The following CSMD1 variants were observed in gnomAD, a reference collection of about 807,000 sequenced individuals.
CSMD1 encodes CUB and sushi domain-containing protein 1.
A neutral mutation model predicts 417.5 loss-of-function variants in CSMD1; 213 were observed. The observed-to-expected ratio is 0.51, with a 90% CI of 0.46 to 0.57. The LOEUF is 0.57. CSMD1 is among the 20% of genes least tolerant of loss of function. CSMD1 has a pLI of 0.00. For synonymous variants in CSMD1, 2,862 were observed against 1,736.8 expected (o/e 1.65, Z -16.11); for missense variants, 6,923 against 4,529.7 (o/e 1.53, Z -15.17).
At chr8:4,906,520 T>A (rs1052064131) in intron 1 of CSMD1, among the ~76,000 whole-genome samples, 3 of 152,092 alleles carry the variant, frequency 2.0e-5, no homozygotes, top group African/African-American at 7.2e-5. Context: ...TCAGTTTTTA[T>A]TCTAAATATT....
intron 6 of CSMD1, among the ~76,000 whole-genome samples, chr8:3,748,547 G>T (rs1199596967): frequency 6.6e-6 from 1 of 152,130 alleles, no homozygotes; most frequent in Non-Finnish European, 1.5e-5. Context: ...CTAGATAATG[G>T]TTGTTATTAT....
chr8:3,478,947 T>G (rs1349220122), intron 11 of CSMD1, among the ~76,000 whole-genome samples: 1 of 151,686 alleles, frequency 6.6e-6, no homozygotes, highest in Non-Finnish European at 1.5e-5. Flanking sequence ...GCGGAATAGG[T>G]GACGGGGCAC....
At chr8:4,946,203 C>T (rs1470939791) in intron 1 of CSMD1, among the ~76,000 whole-genome samples, 1 of 152,170 alleles carries the variant, frequency 6.6e-6, no homozygotes, top group Non-Finnish European at 1.5e-5. Flanking sequence ...ACTCAACATA[C>T]TTAATTTATG....
At chr8:3,764,575 G>A (rs1798168991) in intron 5 of CSMD1, among the ~76,000 whole-genome samples, 1 of 151,922 alleles carries the variant, frequency 6.6e-6, no homozygotes, top group African/African-American at 2.4e-5. Context: ...CTGCAAGAGA[G>A]GATTTAAACT....
chr8:4,795,252 C>CTTTTTCTTTTTTT (rs1797912979), intron 1 of CSMD1, among the ~76,000 whole-genome samples: 1 of 46,226 alleles, frequency 2.2e-5, no homozygotes, highest in African/African-American at 7.2e-5. Flanking sequence ...GGTGTCATAG[C>CTTTTTCTTTTTTT]TTTTTTTTTT....
At chr8:3,050,902 A>G (rs1481689374) in intron 50 of CSMD1, among the ~76,000 whole-genome samples, 2 of 152,230 alleles carry the variant, frequency 1.3e-5, no homozygotes, top group East Asian at 3.8e-4. Flanking sequence ...TCCTTCTGCT[A>G]GTATCACTGG....
intron 21 of CSMD1, among the ~76,000 whole-genome samples, chr8:3,355,898 G>C (rs751108766): frequency 6.6e-6 from 1 of 151,962 alleles, no homozygotes; most frequent in Non-Finnish European, 1.5e-5. Flanking sequence ...AGAAGAGAGG[G>C]TTTGAGCATT....
chr8:4,934,094 G>A (rs1051126456), intron 1 of CSMD1, among the ~76,000 whole-genome samples: 4 of 152,034 alleles, frequency 2.6e-5, no homozygotes, highest in Non-Finnish European at 2.9e-5. Context: ...ACTTTGAGGC[G>A]GCAGCCGTGA....
At chr8:3,139,288 T>C (rs1034306327) in intron 41 of CSMD1, among the ~76,000 whole-genome samples, 7 of 152,120 alleles carry the variant, frequency 4.6e-5, no homozygotes, top group Non-Finnish European at 7.4e-5. Flanking sequence ...AGGATGGAAA[T>C]ATAGGAGGAT....
At chr8:4,487,187 T>C (rs1801459069) in intron 2 of CSMD1, among the ~76,000 whole-genome samples, 1 of 152,194 alleles carries the variant, frequency 6.6e-6, no homozygotes, top group Non-Finnish European at 1.5e-5. Context: ...TTATTATTAT[T>C]ATACTTTAAG....
chr8:3,562,173 G>A (rs1486203638), intron 10 of CSMD1, among the ~76,000 whole-genome samples: 1 of 152,082 alleles, frequency 6.6e-6, no homozygotes, highest in Non-Finnish European at 1.5e-5. Flanking sequence ...TACAGTAGTA[G>A]GTGGGGAAAG....
chr8:4,188,473 G>T (rs1421072417), intron 3 of CSMD1, among the ~76,000 whole-genome samples: 1 of 152,128 alleles, frequency 6.6e-6, no homozygotes, highest in Admixed American at 6.6e-5. Context: ...TTGGAAAAGG[G>T]TCCATCAACC....
chr8:3,922,834 G>A (rs1052710688), intron 5 of CSMD1, among the ~76,000 whole-genome samples: 11 of 151,988 alleles, frequency 7.2e-5, no homozygotes, highest in Non-Finnish European at 1.5e-4. Flanking sequence ...TATTCATGGT[G>A]TACAACATGG....
chr8:3,062,954 T>G (rs901596417), intron 49 of CSMD1, among the ~76,000 whole-genome samples: 1 of 152,226 alleles, frequency 6.6e-6, no homozygotes, highest in Non-Finnish European at 1.5e-5. Context: ...AAAGATTTAT[T>G]CAATAAAAAG....
At position 4,667,362 on chromosome 8, in the gene CSMD1, G is replaced by A. The variant is rs561149451; in HGVS notation, c.86-29804C>T. On this transcript the variant is annotated intron_variant, in intron 1 of 69. Transcript: ENST00000635120. ...ATTCTCTGCTTTTCTGCAAACATTC[G>A]AGAGTGAATTTGTCCTTTTCTTCAA... Among the ~76,000 whole-genome samples the A allele has an allele frequency of 2.6e-5, 4 of 151,690 alleles. No individual in the cohort carries two copies. The South Asian group carries it at 8.3e-4, about 31-fold the overall frequency.
At chr8:4,206,245 G>C (rs750133744) in intron 3 of CSMD1, among the ~76,000 whole-genome samples, 1 of 152,018 alleles carries the variant, frequency 6.6e-6, no homozygotes, top group Non-Finnish European at 1.5e-5. Context: ...TGCACAAGGG[G>C]CAGGTTTGTT....
chr8:3,243,564 G>C (rs1191709225), intron 26 of CSMD1, among the ~76,000 whole-genome samples: 1 of 152,016 alleles, frequency 6.6e-6, no homozygotes, highest in East Asian at 1.9e-4. Context: ...AATTGCACAA[G>C]ATAATGTCAT....
At chr8:4,419,763 C>A (rs1003663582) in intron 3 of CSMD1, among the ~76,000 whole-genome samples, 190 bp downstream of exon 3, 2 of 152,158 alleles carry the variant, frequency 1.3e-5, no homozygotes, top group Non-Finnish European at 1.5e-5. Flanking sequence ...ATTGTGAACA[C>A]GTTTTGGGCT....
intron 5 of CSMD1, among the ~76,000 whole-genome samples, chr8:3,790,648 G>C (rs1378919427): frequency 1.3e-5 from 2 of 152,138 alleles, no homozygotes; most frequent in African/African-American, 4.8e-5. Context: ...AGAGATAATA[G>C]CTGGGATTTT....
Sources: allele counts gnomAD v4.1 joint callset (sites outside exome capture counted in the v4.1 genomes callset), GRCh38; gene constraint gnomAD v4.1.1; transcripts MANE v1.5; gene names NCBI Gene and HGNC (gene_info 2026-07-23, HGNC 2026-07-21).